The following PRKG1 variants were observed in gnomAD, a reference collection of about 807,000 sequenced individuals.
The protein encoded by PRKG1 is protein kinase cGMP-dependent 1, also known as cGMP-dependent protein kinase 1.
PRKG1 carries 35 observed loss-of-function variants against 88.1 expected under a neutral mutation model. That is an observed-to-expected ratio of 0.40 (90% confidence interval 0.30 to 0.53). The LOEUF (loss-of-function observed/expected upper bound fraction) is 0.53, where lower values mean the gene tolerates loss of function less well. Ranked by LOEUF, PRKG1 falls within the 20% of genes least tolerant of loss-of-function variation. The probability of loss-of-function intolerance (pLI) is 0.59; values close to 1 mark genes in which losing one functional copy is unlikely to be tolerated. For missense variants in PRKG1, 540 were observed against 839.8 expected (o/e 0.64, Z 4.41); for synonymous variants, 303 against 292.5 (o/e 1.04, Z -0.37).
chr10:51,950,164 G>T (rs1043297749), intron 5 of PRKG1, among the ~76,000 whole-genome samples: 2 of 152,112 alleles, frequency 1.3e-5, no homozygotes, highest in Non-Finnish European at 2.9e-5. Context: ...ATGTCACAAT[G>T]CCTTTTATTC....
At chr10:52,253,195 A>G (rs1262342500) in intron 10 of PRKG1, among the ~76,000 whole-genome samples, 1 of 152,006 alleles carries the variant, frequency 6.6e-6, no homozygotes, top group Non-Finnish European at 1.5e-5. Flanking sequence ...ATTATTTTTT[A>G]AAGACGAAGG....
intron 1 of PRKG1, among the ~76,000 whole-genome samples, chr10:51,058,634 C>T (rs1387573589): frequency 2.6e-5 from 4 of 152,060 alleles, no homozygotes; most frequent in Non-Finnish European, 5.9e-5. Context: ...GTCTTTTGGT[C>T]GAACAAATTT....
intron 2 of PRKG1, among the ~76,000 whole-genome samples, chr10:51,323,658 C>T (rs950176001): frequency 6.6e-6 from 1 of 152,154 alleles, no homozygotes; most frequent in Admixed American, 6.6e-5. Context: ...GAAGGATGCT[C>T]TTTTTCTTTT....
chr10:50,995,464 T>A (rs2879550), intron 1 of PRKG1, among the ~76,000 whole-genome samples: 1 of 152,106 alleles, frequency 6.6e-6, no homozygotes, highest in Non-Finnish European at 1.5e-5. Context: ...TTAAGAAATG[T>A]CCAGTAGGGA....
chr10:51,247,150 A>G (rs1357989595), intron 2 of PRKG1, among the ~76,000 whole-genome samples: 1 of 152,028 alleles, frequency 6.6e-6, no homozygotes, highest in Non-Finnish European at 1.5e-5. Context: ...CAAGAATAGT[A>G]GTCAAGAAGA....
At chr10:50,996,106 T>A (rs1239268529) in intron 1 of PRKG1, among the ~76,000 whole-genome samples, 2 of 152,318 alleles carry the variant, frequency 1.3e-5, no homozygotes, top group East Asian at 3.9e-4. Flanking sequence ...TACACAATGC[T>A]ATAAAATAGC....
chr10:51,690,092 GA>G (rs1393507596), intron 3 of PRKG1, among the ~76,000 whole-genome samples: 1 of 152,158 alleles, frequency 6.6e-6, no homozygotes, highest in African/African-American at 2.4e-5. Context: ...ATGACAAAGG[GA>G]AAGGGGCAGC....
intron 1 of PRKG1, among the ~76,000 whole-genome samples, chr10:51,100,548 T>C (rs946200364): frequency 6.6e-6 from 1 of 152,216 alleles, no homozygotes; most frequent in Non-Finnish European, 1.5e-5. Context: ...TCAAAATTGC[T>C]GCAACTGTTA....
At chr10:51,276,946 G>A (rs1840138908) in intron 2 of PRKG1, among the ~76,000 whole-genome samples, 1 of 152,140 alleles carries the variant, frequency 6.6e-6, no homozygotes, top group Non-Finnish European at 1.5e-5. Flanking sequence ...CTTTTGCTGT[G>A]CAGAAGCTCC....
Position 52,008,423 on chromosome 10 carries a change from T to C in PRKG1, c.763-46061T>C, listed in dbSNP as rs150879772. On this transcript the variant is annotated intron_variant, in intron 5 of 17. Transcript: ENST00000373980. ...GAGAGAAGATTCAAATAAGCACCAT[T>C]AGAAATGGCAAAGGGGACATTACCA... Among the ~76,000 whole-genome samples the C allele has an allele frequency of 1.2e-4, 18 of 152,004 alleles. No homozygotes were observed. In the East Asian group the frequency reaches 3.5e-3, roughly 29 times the overall value.
chr10:51,399,530 C>T (rs1465204036), intron 2 of PRKG1, among the ~76,000 whole-genome samples: 2 of 152,142 alleles, frequency 1.3e-5, no homozygotes, highest in Non-Finnish European at 2.9e-5. Flanking sequence ...AACCCCTTGC[C>T]TATGTTTGGT....
At chr10:51,738,566 A>T (rs1238762047) in intron 3 of PRKG1, among the ~76,000 whole-genome samples, 1 of 152,194 alleles carries the variant, frequency 6.6e-6, no homozygotes, top group African/African-American at 2.4e-5. Context: ...GCTGTTTTAC[A>T]TGGATGGAAG....
At chr10:51,347,597 C>A (rs971493136) in intron 2 of PRKG1, among the ~76,000 whole-genome samples, 8 of 151,840 alleles carry the variant, frequency 5.3e-5, no homozygotes, top group African/African-American at 1.9e-4. Context: ...CTTTTTTGGT[C>A]CTTTTATGGA....
chr10:52,123,886 T>C (rs1343133910), intron 7 of PRKG1, among the ~76,000 whole-genome samples: 2 of 152,192 alleles, frequency 1.3e-5, no homozygotes, highest in Non-Finnish European at 2.9e-5. Flanking sequence ...CTGAATGATG[T>C]GGCCCTGTTT....
chr10:52,177,932 A>T (rs1240019451), intron 9 of PRKG1, among the ~76,000 whole-genome samples: 1 of 151,426 alleles, frequency 6.6e-6, no homozygotes, highest in Non-Finnish European at 1.5e-5. Context: ...TATCTTTTCA[A>T]AAAAACAACT....
intron 9 of PRKG1, among the ~76,000 whole-genome samples, chr10:52,186,846 C>A (rs997441976): frequency 6.6e-6 from 1 of 152,030 alleles, no homozygotes; most frequent in Non-Finnish European, 1.5e-5. Flanking sequence ...GGAATTTTAT[C>A]AGGTGTTGAA....
chr10:51,942,297 T>G (rs1842926721), intron 5 of PRKG1, among the ~76,000 whole-genome samples: 1 of 152,018 alleles, frequency 6.6e-6, no homozygotes, highest in South Asian at 2.1e-4. Context: ...TTTGATGGGG[T>G]TGTTTGTTTT....
At chr10:52,111,929 A>G (rs540450888) in intron 7 of PRKG1, among the ~76,000 whole-genome samples, 2 of 152,282 alleles carry the variant, frequency 1.3e-5, no homozygotes, top group South Asian at 2.1e-4. Flanking sequence ...AAAGCTTATG[A>G]TAGTGCCTGT....
intron 1 of PRKG1, among the ~76,000 whole-genome samples, chr10:51,063,416 T>C (rs1414073943): frequency 6.6e-6 from 1 of 152,218 alleles, no homozygotes; most frequent in Non-Finnish European, 1.5e-5. Context: ...CTATATAGCA[T>C]GTGACTGTAC....
Sources: gnomAD v4.1 joint callset for allele counts (sites outside exome capture counted in the v4.1 genomes callset) on GRCh38, gnomAD v4.1.1 for gene constraint, MANE v1.5 for transcripts, NCBI Gene and HGNC (gene_info 2026-07-23, HGNC 2026-07-21) for gene names.